The following LIG1 variants were observed in gnomAD, a reference collection of about 807,000 sequenced individuals.
The protein encoded by LIG1 is ligase I, DNA, ATP-dependent.
LIG1 carries 70 observed loss-of-function variants against 115.7 expected under a neutral mutation model. The ratio of observed to expected loss-of-function variants is 0.60; its 90% CI spans 0.50 to 0.74. The LOEUF (loss-of-function observed/expected upper bound fraction) is 0.74, where lower values mean the gene tolerates loss of function less well. LIG1 is among the 30% of genes least tolerant of loss of function. LIG1 has a pLI of 0.00. For synonymous variants in LIG1, 487 were observed against 495.3 expected, an observed-to-expected ratio of 0.98 and a Z score of 0.22; for missense variants, 1,115 against 1,225.6, an observed-to-expected ratio of 0.91 and a Z score of 1.35.
chr19:48,143,811 A>C lies in LIG1; in HGVS notation c.857+72T>G, dbSNP rs1599813950. On this transcript the variant is annotated intron_variant, in intron 10 of 27. Transcript: ENST00000263274. ...GAGACTTGACCATTTCTCCCAACCAAGACTCTGCTTAGAGAGCCTCCGGTG... is the reference window on the plus strand; with the variant it reads ...GAGACTTGACCATTTCTCCCAACCACGACTCTGCTTAGAGAGCCTCCGGTG... 3.7e-6 allele frequency: 5 copies of C among 1,351,024 alleles called. No individual in the cohort carries two copies. The East Asian group carries it at 1.1e-4, about 31-fold the overall frequency. 83.7% of individuals were successfully genotyped at this position (1,351,024 alleles called of 1,614,324 possible).
Position 48,138,353 on chromosome 19 carries a change from G to A in LIG1, c.1088-665C>T, listed in dbSNP as rs184788777. Among the ~76,000 whole-genome samples, 17 of 152,298 alleles carry A rather than the reference G, an allele frequency of 1.1e-4. 1 individual carries two copies. Among genetic ancestry groups the A allele is most frequent in the Middle Eastern group, 3.4e-3 (1 of 294 alleles). Reference sequence around the variant, plus strand: ...ATAACATAACCTGCCTACACCTATCGAGATAACGCCCTAACCCTAACACAG... The same window carrying A: ...ATAACATAACCTGCCTACACCTATCAAGATAACGCCCTAACCCTAACACAG... On this transcript the variant is annotated intron_variant, in intron 12 of 27. Transcript: ENST00000263274.
At chr19:48,158,684 G>T (rs1459670467) in intron 4 of LIG1, among the ~76,000 whole-genome samples, 2 of 152,248 alleles carry the variant, frequency 1.3e-5, no homozygotes, top group Admixed American at 1.3e-4. Context: ...CAGCCGGCTT[G>T]CCGGGGGCAG....
At chr19:48,167,609 G>A (rs889991200) in intron 1 of LIG1, among the ~76,000 whole-genome samples, 14 of 152,010 alleles carry the variant, frequency 9.2e-5, no homozygotes, top group African/African-American at 3.4e-4. Context: ...GGCGGATCAC[G>A]AGGTCAGGAG....
At position 48,142,705 on chromosome 19, in the gene LIG1, G is replaced by A. The variant is rs561575321; in HGVS notation, c.914+838C>T. Among the ~76,000 whole-genome samples the A allele has an allele frequency of 6.6e-5, 10 of 152,176 alleles. No individual in the cohort carries two copies. The South Asian group carries it at 1.2e-3, about 19-fold the overall frequency. ...GTCACCCAGGCTGGAGTGTAATAGC[G>A]TGATCTCGGCTCACTGCAATCTCTG... On this transcript the variant is annotated intron_variant, in intron 11 of 27. Coordinates refer to ENST00000263274, the MANE Select transcript of LIG1 (RefSeq NM_000234.3).
At chr19:48,139,233 C>T (rs142384421) in intron 12 of LIG1, among the ~76,000 whole-genome samples, 4 of 152,328 alleles carry the variant, frequency 2.6e-5, no homozygotes, top group East Asian at 1.9e-4. Flanking sequence ...GCCTGCCCCA[C>T]GCTGGGGTGA....
intron 15 of LIG1, 78 bp from the exon 16 acceptor site, chr19:48,135,857 T>A: frequency 7.3e-7 from 1 of 1,371,018 alleles, no homozygotes; most frequent in Non-Finnish European, 1.0e-6. Flanking sequence ...TGGTTTGCTG[T>A]ATGGCAAGGA....
rs545774419 is a variant in LIG1 at position 48,115,521 on chromosome 19, A to G, written c.*128T>C. 1 of 720,752 alleles carries G rather than the reference A, an allele frequency of 1.4e-6. No individual in the cohort carries two copies. The highest frequency in any genetic ancestry group is 2.7e-5 in the East Asian group (1 of 37,038). 44.6% of individuals were successfully genotyped at this position (720,752 alleles called of 1,614,324 possible). ...TCCGGAGTAAGCCACCCCCTCACAC[A>G]CACACCCCTCCCCTGACTCTCAAAA... On this transcript the variant is annotated 3_prime_UTR_variant, in exon 28 of 28. Coordinates refer to ENST00000263274, the MANE Select transcript of LIG1 (RefSeq NM_000234.3).
Position 48,143,607 on chromosome 19 carries a change from A to C in LIG1, c.858-8T>G, listed in dbSNP as rs1402436601. On this transcript the variant is annotated splice_polypyrimidine_tract_variant and splice_region_variant and intron_variant, in intron 10 of 27. Transcript: ENST00000263274. Reference sequence around the variant, plus strand: ...ACAGCCAGGTAAGGAACCCTAGGGAAGGAAAAGAGACGCAAGAGTGACAGT... The same window carrying C: ...ACAGCCAGGTAAGGAACCCTAGGGACGGAAAAGAGACGCAAGAGTGACAGT... 1.9e-6 allele frequency: 3 copies of C among 1,609,594 alleles called. No homozygotes were observed. In the South Asian group the frequency reaches 3.3e-5, roughly 18 times the overall value.
rs2032744280 is a variant in LIG1, at chr19:48,115,670, A to G, written c.2739T>C (p.Ser913=). The G allele has an allele frequency of 6.2e-7, 1 of 1,613,940 alleles. No individual in the cohort carries two copies. The highest frequency in any genetic ancestry group is 1.7e-5 in the Admixed American group (1 of 60,008). The part of the protein sequence containing the change: ...IQNQQGEDSG[S]DPEDTY ...GGGCTTAGTAGGTATCTTCAGGGTC[A>G]GAGCCTGAGTCCTCGCCTTGTTGGT... Residue 913 remains serine (S), a synonymous_variant, in exon 28 of 28, where the codon TCT becomes TCC. Coordinates refer to ENST00000263274, the MANE Select transcript of LIG1 (RefSeq NM_000234.3).
intron 3 of LIG1, 85 bp from the exon 4 acceptor site, chr19:48,161,592 G>A: frequency 2.7e-6 from 4 of 1,489,968 alleles, no homozygotes; most frequent in Non-Finnish European, 2.8e-6. Flanking sequence ...TGGTTTCTTT[G>A]CTGTTTCCTT....
Position 48,151,318 on chromosome 19 carries a change from C to G in LIG1, c.488G>C (p.Ser163Thr). 1 of 1,613,326 alleles carries G rather than the reference C, an allele frequency of 6.2e-7. No homozygotes were observed. Among genetic ancestry groups the G allele is most frequent in the Non-Finnish European group, 8.5e-7 (1 of 1,179,336 alleles). The change falls in exon 7 of 28, where the codon AGC becomes ACC. Residue 163 changes from serine (S) to threonine (T), a missense_variant. Coordinates refer to ENST00000263274, the MANE Select transcript of LIG1 (RefSeq NM_000234.3). ...TGTGGCCACTTCAGCCTCTGTGAGG[C>G]TTTCTTTCGGGGTCTCCTCTTCTGA... ...EEEEEETPKE[S>T]LTEAEVATEK...
intron 2 of LIG1, among the ~76,000 whole-genome samples, chr19:48,163,613 C>T (rs1309626811): frequency 6.6e-6 from 1 of 151,834 alleles, no homozygotes; most frequent in East Asian, 1.9e-4. Flanking sequence ...AGCTAACACT[C>T]TGGTGAAGGG....
At chr19:48,135,909 A>T in intron 15 of LIG1, 125 bp downstream of exon 15, 1 of 555,800 alleles carries the variant, frequency 1.8e-6, no homozygotes, top group Non-Finnish European at 3.2e-6. Flanking sequence ...CCCCCCACCC[A>T]GGAGAGAGGA....
rs1417653954 is a variant in LIG1, at chr19:48,151,232, T to C, written c.574A>G (p.Lys192Glu). ...GCGGAGGAGAGGACCAGAAACTCAC[T>C]GGAGGTCTTTAGGGGCTTGGGAGGC... ...TTPPKPLKTS[K>E]AETPTESVSE... The change falls in exon 7 of 28, where the codon AAA (lysine) becomes GAA (glutamate). Residue 192 changes from lysine to glutamate, a missense_variant and splice_region_variant. Lys to Glu is a moderately conservative substitution (Grantham distance 56). Transcript: ENST00000263274. The C allele has an allele frequency of 1.2e-6, 2 of 1,606,748 alleles. No homozygotes were observed. Among genetic ancestry groups the C allele is most frequent in the African/African-American group, 1.3e-5 (1 of 74,730 alleles).
chr19:48,141,331 C>T lies in LIG1; in HGVS notation c.915-1188G>A, dbSNP rs564766309. On this transcript the variant is annotated intron_variant, in intron 11 of 27. Coordinates refer to ENST00000263274, the MANE Select transcript of LIG1 (RefSeq NM_000234.3). ...ATTTTTAGTAGAGACGGGGTTTCAA[C>T]GTGTTGGTCAGGCTGGTCTCGAACT... Among the ~76,000 whole-genome samples the T allele has an allele frequency of 4.1e-4, 63 of 152,252 alleles. No homozygotes were observed. In the South Asian group the frequency reaches 0.013, roughly 31 times the overall value.
At chr19:48,155,482 C>A (rs776499965) in intron 5 of LIG1, among the ~76,000 whole-genome samples, 2 of 152,158 alleles carry the variant, frequency 1.3e-5, no homozygotes, top group Non-Finnish European at 2.9e-5. Context: ...CCAACCCCAA[C>A]CCATCTTCTA....
At chr19:48,149,393 G>A (rs755424410) in intron 9 of LIG1, among the ~76,000 whole-genome samples, 7 of 152,154 alleles carry the variant, frequency 4.6e-5, no homozygotes, top group Non-Finnish European at 7.3e-5. Context: ...AATGGGCTTA[G>A]ATTTTCTCCT....
Position 48,161,527 on chromosome 19 carries a change from G to T in LIG1, c.108-20C>A. The T allele has an allele frequency of 6.2e-7, 1 of 1,613,618 alleles. No individual in the cohort carries two copies. The highest frequency in any genetic ancestry group is 8.5e-7 in the Non-Finnish European group (1 of 1,179,634). On this transcript the variant is annotated intron_variant, in intron 3 of 27. Transcript: ENST00000263274. ...GCCGCCCTGGAAGGTGGGGAAATGGGGGTGTAAAGGGGCGACTACAGCAGG... is the reference window on the plus strand; with the variant it reads ...GCCGCCCTGGAAGGTGGGGAAATGGTGGTGTAAAGGGGCGACTACAGCAGG...
intron 11 of LIG1, among the ~76,000 whole-genome samples, chr19:48,141,716 T>A (rs2034769593): frequency 6.6e-6 from 1 of 152,204 alleles, no homozygotes. Context: ...TTAGGGGGCC[T>A]CATTAGAAAC....
Sources: allele counts gnomAD v4.1 joint callset (sites outside exome capture counted in the v4.1 genomes callset), GRCh38; gene constraint gnomAD v4.1.1; transcripts MANE v1.5; gene names NCBI Gene and HGNC (gene_info 2026-07-23, HGNC 2026-07-21).